BTBD9: variants seen among roughly 807,000 people sequenced by gnomAD.
BTBD9 encodes the protein BTB domain containing 9.
Under a neutral mutation model 64.3 loss-of-function variants are expected in BTBD9, and 49 were observed. That is an observed-to-expected ratio of 0.76 (90% CI 0.61 to 0.97). BTBD9 has a LOEUF of 0.97. Among genes scored for constraint, BTBD9 ranks in the 50% least tolerant of loss-of-function variants. BTBD9 has a pLI of 0.00. For synonymous variants in BTBD9, 260 were observed against 274.7 expected, an observed-to-expected ratio of 0.95 and a Z score of 0.53; for missense variants, 598 against 762.1, an observed-to-expected ratio of 0.78 and a Z score of 2.53.
chr6:38,485,751 T>C (rs1368151343), intron 6 of BTBD9, among the ~76,000 whole-genome samples: 1 of 152,124 alleles, frequency 6.6e-6, no homozygotes, highest in Non-Finnish European at 1.5e-5. Context: ...ATTTTCAAAG[T>C]GATAAATGAG....
intron 6 of BTBD9, among the ~76,000 whole-genome samples, chr6:38,393,548 A>C (rs945068082): frequency 6.6e-6 from 1 of 152,160 alleles, no homozygotes; most frequent in Non-Finnish European, 1.5e-5. Context: ...CTCACTTCCT[A>C]TACTAGCCAC....
intron 6 of BTBD9, among the ~76,000 whole-genome samples, chr6:38,524,461 A>C (rs1464081890): frequency 6.6e-6 from 1 of 152,240 alleles, no homozygotes; most frequent in Non-Finnish European, 1.5e-5. Flanking sequence ...AACAGTAAGC[A>C]CGTAGCAAGA....
At chr6:38,411,883 G>A (rs1301314205) in intron 6 of BTBD9, among the ~76,000 whole-genome samples, 1 of 152,094 alleles carries the variant, frequency 6.6e-6, no homozygotes, top group African/African-American at 2.4e-5. Flanking sequence ...GTTACAATGA[G>A]CCAAGATTGT....
intron 6 of BTBD9, among the ~76,000 whole-genome samples, chr6:38,501,892 G>A (rs1318298743): frequency 6.6e-6 from 1 of 151,940 alleles, no homozygotes; most frequent in Non-Finnish European, 1.5e-5. Flanking sequence ...ACATGTAATG[G>A]GTTTACTGTT....
intron 9 of BTBD9, among the ~76,000 whole-genome samples, chr6:38,230,737 C>T (rs555702326): frequency 1.2e-4 from 18 of 152,214 alleles, no homozygotes; most frequent in Admixed American, 3.3e-4. Flanking sequence ...TTAATTCCCT[C>T]TTCAGGGCCT....
At chr6:38,626,622 CATA>C (rs1778177043) in intron 1 of BTBD9, among the ~76,000 whole-genome samples, 1 of 152,318 alleles carries the variant, frequency 6.6e-6, no homozygotes, top group Admixed American at 6.5e-5. Flanking sequence ...CAATTCTTAT[CATA>C]AAGGAGCCAC....
chr6:38,311,556 C>T (rs1274751389), intron 7 of BTBD9, among the ~76,000 whole-genome samples: 1 of 152,122 alleles, frequency 6.6e-6, no homozygotes, highest in South Asian at 2.1e-4. Flanking sequence ...GTGCAGATAT[C>T]GTTTCAATAT....
intron 9 of BTBD9, among the ~76,000 whole-genome samples, chr6:38,202,358 C>T (rs1762495927): frequency 6.6e-6 from 1 of 151,492 alleles, no homozygotes; most frequent in Admixed American, 6.6e-5. Flanking sequence ...TGGGATTACA[C>T]ACGTGAGCCA....
intron 1 of BTBD9, among the ~76,000 whole-genome samples, chr6:38,606,213 C>A (rs1777426968): frequency 6.6e-6 from 1 of 152,176 alleles, no homozygotes; most frequent in Non-Finnish European, 1.5e-5. Flanking sequence ...GGCTTCCTTG[C>A]TCCTCAGCTT....
chr6:38,195,543 C>T (rs999046597), intron 9 of BTBD9, among the ~76,000 whole-genome samples: 5 of 152,058 alleles, frequency 3.3e-5, no homozygotes, highest in African/African-American at 1.2e-4. Context: ...CAAAAAAACC[C>T]ACGCAGGATT....
intron 6 of BTBD9, among the ~76,000 whole-genome samples, chr6:38,492,284 C>G (rs1771738362): frequency 1.3e-5 from 2 of 152,288 alleles, no homozygotes; most frequent in South Asian, 4.1e-4. Flanking sequence ...GAACACTGAC[C>G]AGGAGCAGGT....
At chr6:38,476,731 G>T in intron 6 of BTBD9, among the ~76,000 whole-genome samples, 1 of 152,196 alleles carries the variant, frequency 6.6e-6, no homozygotes, top group African/African-American at 2.4e-5. Flanking sequence ...GATAATAAGT[G>T]TCAAACCAGT....
At chr6:38,423,381 T>TGCCA (rs1389574854) in intron 6 of BTBD9, among the ~76,000 whole-genome samples, 6 of 152,140 alleles carry the variant, frequency 3.9e-5, no homozygotes, top group Non-Finnish European at 7.4e-5. Context: ...CTCAGCTCAC[T>TGCCA]GCCACTTCCG....
intron 1 of BTBD9, among the ~76,000 whole-genome samples, chr6:38,605,209 G>C (rs1777390876): frequency 6.6e-6 from 1 of 151,964 alleles, no homozygotes; most frequent in Admixed American, 6.6e-5. Flanking sequence ...ACTATGCCTG[G>C]TTAACTTTTG....
chr6:38,497,813 T>A (rs1407867750), intron 6 of BTBD9, among the ~76,000 whole-genome samples: 10 of 152,234 alleles, frequency 6.6e-5, no homozygotes, highest in African/African-American at 2.4e-4. Flanking sequence ...GCTTCAGAGC[T>A]GGCTATTCTC....
rs35224103 is a variant in BTBD9, at chr6:38,361,868, G to GAA, written c.1155-16777_1155-16776dup. ...AGAAAAACAAAAAACAACACCACAG[G>GAA]AAAAAAAAAAAACAAAAACAACTCC... On this transcript the variant is annotated intron_variant, in intron 6 of 10. Transcript: ENST00000481247. 4.0e-3 allele frequency among the ~76,000 whole-genome samples: 561 copies of GAA among 138,864 alleles called. 5 individuals are homozygous for GAA. Among genetic ancestry groups the GAA allele is most frequent in the East Asian group, 0.02 (81 of 4,094 alleles). 91.1% of individuals were successfully genotyped at this position (138,864 alleles called of 152,430 possible). A position where few individuals can be genotyped will look rare whatever the true frequency, so the allele number is the denominator to read the frequency against.
rs77748495 is a variant in BTBD9, at chr6:38,183,652, T to C, written c.1642-8470A>G. On this transcript the variant is annotated intron_variant, in intron 10 of 10. Coordinates refer to ENST00000481247, the MANE Select transcript of BTBD9 (RefSeq NM_001099272.2). ...CAGGTATAATCCTTAAATCCAAGTT[T>C]TTGTTTGGATGGCTCAGCTTTCACT... Among the ~76,000 whole-genome samples the C allele has an allele frequency of 0.021, 3,198 of 152,328 alleles. 210 individuals carry two copies. The East Asian group carries it at 0.24, about 11-fold the overall frequency.
rs149528019 is a variant in BTBD9 at position 38,510,103 on chromosome 6, C to A, written c.1154+67497G>T. ...AAACACGCCATGTTCTTTCATGATG[C>A]CATCAGTTTTCACATACTGTCATGC... On this transcript the variant is annotated intron_variant, in intron 6 of 10. Transcript: ENST00000481247. 5.3e-5 allele frequency among the ~76,000 whole-genome samples: 8 copies of A among 152,290 alleles called. No homozygotes were observed. The East Asian group carries it at 1.5e-3, about 29-fold the overall frequency.
intron 6 of BTBD9, among the ~76,000 whole-genome samples, chr6:38,501,885 T>C (rs910277282): frequency 1.3e-5 from 2 of 152,246 alleles, no homozygotes; most frequent in Non-Finnish European, 2.9e-5. Flanking sequence ...TATATTGACA[T>C]GTAATGGGTT....
Sources: gnomAD v4.1 joint callset for allele counts (sites outside exome capture counted in the v4.1 genomes callset) on GRCh38, gnomAD v4.1.1 for gene constraint, MANE v1.5 for transcripts, NCBI Gene and HGNC (gene_info 2026-07-23, HGNC 2026-07-21) for gene names.